Variants in CDYL2 observed in about 807,000 individuals in gnomAD.
The protein encoded by CDYL2 is chromodomain Y like 2.
CDYL2 carries 23 observed loss-of-function variants against 49.4 expected under a neutral mutation model. The observed-to-expected ratio is 0.47, with a 90% CI of 0.34 to 0.66. The LOEUF is 0.66. Among genes scored for constraint, CDYL2 ranks in the 30% least tolerant of loss-of-function variants. The pLI is 0.01. For missense variants in CDYL2, 678 were observed against 656.4 expected, an observed-to-expected ratio of 1.03 and a Z score of -0.36; for synonymous variants, 360 against 268.8, an observed-to-expected ratio of 1.34 and a Z score of -3.32.
rs531598004 is a variant in CDYL2 at position 80,651,213 on chromosome 16, G to A, written c.617-17977C>T. 1.1e-4 allele frequency among the ~76,000 whole-genome samples: 17 copies of A among 152,122 alleles called. 1 individual carries two copies. The South Asian group carries it at 3.5e-3, about 32-fold the overall frequency. On this transcript the variant is annotated intron_variant, in intron 2 of 6. Transcript: ENST00000570137. ...GCATCCCTGTATCAAAACATCCCAT[G>A]TACCCATACATTTATATACCTACTA...
chr16:80,749,515 C>A (rs926328989), intron 1 of CDYL2, among the ~76,000 whole-genome samples: 3 of 151,952 alleles, frequency 2.0e-5, no homozygotes, highest in African/African-American at 7.3e-5. Context: ...GCAAAATCAA[C>A]AGCTAAAAGA....
chr16:80,689,367 C>T (rs1351923258), intron 1 of CDYL2, among the ~76,000 whole-genome samples: 1 of 152,202 alleles, frequency 6.6e-6, no homozygotes, highest in East Asian at 1.9e-4. Flanking sequence ...TGCATAGTTC[C>T]AGGAACTGTG....
intron 2 of CDYL2, among the ~76,000 whole-genome samples, chr16:80,662,192 G>C (rs1466684498): frequency 6.6e-6 from 1 of 152,098 alleles, no homozygotes; most frequent in Admixed American, 6.6e-5. Flanking sequence ...ATCACATCTG[G>C]CGCTCTGAGT....
intron 1 of CDYL2, among the ~76,000 whole-genome samples, chr16:80,707,869 G>A (rs979202598): frequency 4.6e-5 from 7 of 152,180 alleles, no homozygotes; most frequent in African/African-American, 1.7e-4. Context: ...ACTGTACACT[G>A]GGAAAATTCC....
chr16:80,729,505 G>T (rs935508929), intron 1 of CDYL2, among the ~76,000 whole-genome samples: 1 of 152,202 alleles, frequency 6.6e-6, no homozygotes, highest in Middle Eastern at 3.4e-3. Context: ...AATAATGGGA[G>T]ACTTTAACAC....
chr16:80,710,225 C>T (rs577194603), intron 1 of CDYL2, among the ~76,000 whole-genome samples: 2 of 152,202 alleles, frequency 1.3e-5, no homozygotes, highest in South Asian at 2.1e-4. Flanking sequence ...CCATGCCTGG[C>T]CTGGCAGGCT....
intron 2 of CDYL2, among the ~76,000 whole-genome samples, chr16:80,637,233 A>G (rs1235528519): frequency 2.6e-5 from 4 of 152,328 alleles, no homozygotes; most frequent in East Asian, 3.9e-4. Flanking sequence ...CTTAAAAAAA[A>G]AAGGGGGAAA....
intron 3 of CDYL2, among the ~76,000 whole-genome samples, chr16:80,631,048 G>C (rs570751051): frequency 5.9e-5 from 9 of 152,276 alleles, no homozygotes; most frequent in Non-Finnish European, 1.0e-4. Flanking sequence ...AGGGGTCTCG[G>C]AGTTAAATGT....
At chr16:80,733,012 A>G (rs965892273) in intron 1 of CDYL2, among the ~76,000 whole-genome samples, 11 of 152,218 alleles carry the variant, frequency 7.2e-5, no homozygotes, top group Non-Finnish European at 1.2e-4. Context: ...TGATCAAAAC[A>G]GACTCAAAGA....
intron 2 of CDYL2, among the ~76,000 whole-genome samples, chr16:80,638,811 A>G (rs980622714): frequency 6.6e-6 from 1 of 152,240 alleles, no homozygotes; most frequent in East Asian, 1.9e-4. Context: ...CAAACTCTGT[A>G]CTTTGCAAAC....
intron 1 of CDYL2, among the ~76,000 whole-genome samples, chr16:80,748,121 T>TG (rs1905995884): frequency 1.1e-5 from 1 of 93,612 alleles, no homozygotes; most frequent in Non-Finnish European, 2.2e-5. Context: ...CTGGGAAGAT[T>TG]AAATAATAAT....
At chr16:80,706,678 G>A (rs568023923) in intron 1 of CDYL2, among the ~76,000 whole-genome samples, 207 of 152,262 alleles carry the variant, frequency 1.4e-3, no homozygotes, top group Middle Eastern at 3.4e-3. Flanking sequence ...CTCCACAAGT[G>A]TACAAGAAAT....
chr16:80,632,837 A>C lies in CDYL2; in HGVS notation c.834+182T>G, dbSNP rs1907626747. 6 of 593,818 alleles carry C rather than the reference A, an allele frequency of 1.0e-5. No homozygotes were observed. In the South Asian group the frequency reaches 1.2e-4, roughly 12 times the overall value. The allele number at this position is 593,818 out of a possible 1,614,324, so 36.8% of individuals were successfully genotyped here. On this transcript the variant is annotated intron_variant, in intron 3 of 6. Coordinates refer to ENST00000570137, the MANE Select transcript of CDYL2 (RefSeq NM_152342.4). ...TGAGAGGGTATCATTACACGGTCATAAAGATCAAATGGGATAATGTATGTA... is the reference window on the plus strand; with the variant it reads ...TGAGAGGGTATCATTACACGGTCATCAAGATCAAATGGGATAATGTATGTA...
At chr16:80,637,063 T>C (rs893374053) in intron 2 of CDYL2, among the ~76,000 whole-genome samples, 3 of 149,996 alleles carry the variant, frequency 2.0e-5, no homozygotes, top group Non-Finnish European at 3.0e-5. Context: ...GGGGGTGGAG[T>C]GTTAGGGGAG....
At chr16:80,644,021 T>C (rs999179525) in intron 2 of CDYL2, among the ~76,000 whole-genome samples, 16 of 152,334 alleles carry the variant, frequency 1.1e-4, no homozygotes, top group African/African-American at 3.8e-4. Flanking sequence ...CTACAAATTT[T>C]CCAAACTTTT....
chr16:80,606,769 C>T (rs1906354671), intron 6 of CDYL2, among the ~76,000 whole-genome samples: 1 of 152,156 alleles, frequency 6.6e-6, no homozygotes, highest in Admixed American at 6.5e-5. Context: ...GGCAGTTTCC[C>T]CCACACTGTT....
intron 2 of CDYL2, among the ~76,000 whole-genome samples, chr16:80,646,142 T>TA (rs1054972688): frequency 4.7e-5 from 7 of 149,278 alleles, no homozygotes; most frequent in Admixed American, 1.3e-4. Context: ...AAAGTATAAT[T>TA]AAAAAAAAAC....
intron 1 of CDYL2, among the ~76,000 whole-genome samples, chr16:80,751,875 C>T (rs932746053): frequency 6.6e-6 from 1 of 152,176 alleles, no homozygotes; most frequent in Admixed American, 6.5e-5. Flanking sequence ...TCTGCCTCTT[C>T]TTTGCCTACT....
chr16:80,784,099 T>C (rs1255515595), intron 1 of CDYL2, among the ~76,000 whole-genome samples: 3 of 152,182 alleles, frequency 2.0e-5, no homozygotes, highest in East Asian at 3.8e-4. Flanking sequence ...ATAAGTACTT[T>C]TGACATCAAA....
Sources: gnomAD v4.1 joint callset for allele counts (sites outside exome capture counted in the v4.1 genomes callset) on GRCh38, gnomAD v4.1.1 for gene constraint, MANE v1.5 for transcripts, NCBI Gene and HGNC (gene_info 2026-07-23, HGNC 2026-07-21) for gene names.